The following UTY variants were observed in gnomAD, a reference collection of about 807,000 sequenced individuals.
UTY encodes the protein histone demethylase UTY.
In UTY, 12 loss-of-function variants were observed where a neutral mutation model predicts 32.5. The observed-to-expected ratio is 0.37, with a 90% CI of 0.24 to 0.60. The LOEUF (loss-of-function observed/expected upper bound fraction) is 0.60, where lower values mean the gene tolerates loss of function less well. UTY is among the 20% of genes least tolerant of loss of function. The pLI is 0.69. For synonymous variants in UTY, 131 were observed against 103.4 expected, an observed-to-expected ratio of 1.27 and a Z score of -1.62; for missense variants, 303 against 299.2, an observed-to-expected ratio of 1.01 and a Z score of -0.09.
chrY:13,392,718 A>G, intron 8 of UTY, among the ~76,000 whole-genome samples: 1 of 33,584 alleles, frequency 3.0e-5, no homozygotes, highest in Non-Finnish European at 7.4e-5. Context: ...AATGGAAAAT[A>G]CCAGCATCTT....
At chrY:13,367,941 G>A in intron 9 of UTY, among the ~76,000 whole-genome samples, 1 of 32,636 alleles carries the variant, frequency 3.1e-5, no homozygotes, top group Non-Finnish European at 7.5e-5. Context: ...TATAAAGCAA[G>A]TTTAGTATCC....
intron 21 of UTY, among the ~76,000 whole-genome samples, chrY:13,310,848 G>C: frequency 3.0e-5 from 1 of 33,456 alleles, no homozygotes; most frequent in Non-Finnish European, 7.4e-5. Context: ...CAGCACTTTG[G>C]GAAGCCAAGG....
chrY:13,399,378 G>A (rs2149555279), intron 6 of UTY, among the ~76,000 whole-genome samples: 2 of 33,271 alleles, frequency 6.0e-5, no homozygotes, highest in Admixed American at 5.5e-4. Flanking sequence ...GAACTCCCGG[G>A]TACTTGCAGG....
chrY:13,304,712 T>C, intron 24 of UTY, among the ~76,000 whole-genome samples: 1 of 32,706 alleles, frequency 3.1e-5, no homozygotes, highest in Admixed American at 2.8e-4. Context: ...GAACACAGTA[T>C]TTGAGCCCCA....
intron 10 of UTY, among the ~76,000 whole-genome samples, chrY:13,364,145 A>G: frequency 6.2e-5 from 2 of 32,002 alleles, no homozygotes; most frequent in African/African-American, 1.2e-4. Flanking sequence ...TCAAAAAAAA[A>G]AACATTGTAC....
chrY:13,362,337 C>G, intron 10 of UTY, among the ~76,000 whole-genome samples: 1 of 33,881 alleles, frequency 3.0e-5, no homozygotes, highest in African/African-American at 1.2e-4. Context: ...CTTCCTACAT[C>G]TATAAAATGA....
intron 27 of UTY, among the ~76,000 whole-genome samples, chrY:13,276,877 C>G: frequency 3.0e-5 from 1 of 33,646 alleles, no homozygotes; most frequent in East Asian, 7.9e-4. Flanking sequence ...AAAACAAAAA[C>G]AAAAACAAAT....
intron 27 of UTY, among the ~76,000 whole-genome samples, chrY:13,284,204 T>C (rs959479655): frequency 2.9e-5 from 1 of 34,028 alleles, no homozygotes; most frequent in Non-Finnish European, 7.3e-5. Context: ...TCCTGAGTAC[T>C]ACTGAAGAAA....
intron 21 of UTY, among the ~76,000 whole-genome samples, chrY:13,310,130 C>T (rs2058935031): frequency 7.5e-5 from 2 of 26,607 alleles, no homozygotes; most frequent in African/African-American, 3.1e-4. Flanking sequence ...GCAGAAGAAT[C>T]GCTAGAACCT....
chrY:13,380,911 C>T lies in UTY; in HGVS notation c.646-11562G>A. ...AAATAAAAAAGGAAAGCAGTTGATG[C>T]CAATATACCTGCTTTGTAAAGAATG... On this transcript the variant is annotated intron_variant, in intron 8 of 29. Transcript: ENST00000545955. Among the ~76,000 whole-genome samples the T allele has an allele frequency of 9.2e-5, 3 of 32,724 alleles. No individual in the cohort carries two copies. In the East Asian group the frequency reaches 2.4e-3, roughly 26 times the overall value. 87.8% of individuals were successfully genotyped at this position (32,724 alleles called of 37,273 possible). A position where few individuals can be genotyped will look rare whatever the true frequency, so the allele number is the denominator to read the frequency against.
intron 17 of UTY, among the ~76,000 whole-genome samples, chrY:13,344,795 G>A: frequency 3.0e-5 from 1 of 32,927 alleles, no homozygotes. Flanking sequence ...GTTTTGCCAG[G>A]AAACTTATCT....
chrY:13,393,961 G>T (rs2067861188), intron 7 of UTY, 68 bp from the exon 8 acceptor site: 1 of 241,140 alleles, frequency 4.1e-6, no homozygotes, highest in East Asian at 1.2e-4. Context: ...AAAAAGTAGG[G>T]ATAATATAAA....
intron 4 of UTY, among the ~76,000 whole-genome samples, chrY:13,448,334 A>G (rs1042039047): frequency 4.8e-4 from 16 of 33,315 alleles, no homozygotes; most frequent in African/African-American, 8.3e-4. Flanking sequence ...TTTAAAATAT[A>G]TATGTCTGGT....
intron 12 of UTY, 126 bp from the exon 13 acceptor site, chrY:13,359,348 T>C (rs2063292810): frequency 4.7e-6 from 1 of 210,864 alleles, no homozygotes; most frequent in African/African-American, 8.1e-5. Flanking sequence ...TTTAGGTAGA[T>C]GTTAAATATA....
At chrY:13,234,752 T>C (rs1204857090) in exon 29 of UTY, 1 of 132,050 alleles carries the variant, frequency 7.6e-6, no homozygotes, top group Admixed American at 9.9e-5. Context: ...CAGCTCTGCC[T>C]GAACCCAGGG....
At chrY:13,465,442 C>T in intron 3 of UTY, among the ~76,000 whole-genome samples, 1 of 34,125 alleles carries the variant, frequency 2.9e-5, no homozygotes, top group African/African-American at 1.1e-4. Context: ...ATGTTGTGAT[C>T]AAAGGCTAAT....
chrY:13,282,762 G>T (rs113219758), intron 27 of UTY, among the ~76,000 whole-genome samples: 23 of 34,056 alleles, frequency 6.8e-4, no homozygotes, highest in African/African-American at 2.6e-3. Flanking sequence ...TTTATCAGCG[G>T]CTCATCCTGC....
intron 8 of UTY, among the ~76,000 whole-genome samples, chrY:13,386,838 C>T: frequency 3.1e-5 from 1 of 32,349 alleles, no homozygotes; most frequent in Non-Finnish European, 7.5e-5. Context: ...CAAAACTTAG[C>T]CGGGGATGGT....
At chrY:13,388,133 G>GCT (rs2067106444) in intron 8 of UTY, among the ~76,000 whole-genome samples, 10 of 33,375 alleles carry the variant, frequency 3.0e-4, no homozygotes, top group African/African-American at 8.1e-4. Flanking sequence ...AATAAAGTAG[G>GCT]CTTAAGGAGA....
Sources: gnomAD v4.1 joint callset for allele counts (sites outside exome capture counted in the v4.1 genomes callset) on GRCh38, gnomAD v4.1.1 for gene constraint, MANE v1.5 for transcripts, NCBI Gene and HGNC (gene_info 2026-07-23, HGNC 2026-07-21) for gene names.